Variants in NLRP5 observed in about 807,000 individuals in gnomAD.
The protein encoded by NLRP5 is NACHT, LRR and PYD domains-containing protein 5.
A neutral mutation model predicts 113.1 loss-of-function variants in NLRP5; 93 were observed. The ratio of observed to expected loss-of-function variants is 0.82; its 90% CI spans 0.70 to 0.98. NLRP5 has a LOEUF of 0.98. Among genes scored for constraint, NLRP5 ranks in the 50% least tolerant of loss-of-function variants. The probability of loss-of-function intolerance (pLI) is 0.00; values close to 1 mark genes in which losing one functional copy is unlikely to be tolerated. For synonymous variants in NLRP5, 751 were observed against 600.7 expected (o/e 1.25, Z -3.66); for missense variants, 1,808 against 1,514.3 (o/e 1.19, Z -3.22).
chr19:56,019,364 A>G lies in NLRP5; in HGVS notation c.588A>G (p.Gln196=). ...CAGAAATTTCACAAGCTATGGAACA[A>G]GAAGGTGCCACAGCAGCAGAGACAG... The change falls in exon 5 of 15, where the codon CAA becomes CAG. Residue 196 remains glutamine, a synonymous_variant. Transcript: ENST00000390649. The G allele has an allele frequency of 6.2e-7, 1 of 1,614,048 alleles. No individual in the cohort carries two copies. The highest frequency in any genetic ancestry group is 8.5e-7 in the Non-Finnish European group (1 of 1,179,882).
chr19:55,992,530 G>A, the NLRP5 span, among the ~76,000 whole-genome samples: 1 of 152,134 alleles, frequency 6.6e-6, no homozygotes, highest in African/African-American at 2.4e-5. Context: ...CAGCAGCGTC[G>A]GTTTTTTGAC....
intron 3 of NLRP5, among the ~76,000 whole-genome samples, chr19:56,011,430 G>A (rs565094936): frequency 6.6e-6 from 1 of 152,234 alleles, no homozygotes; most frequent in African/African-American, 2.4e-5. Context: ...TGGTTACAAT[G>A]TGAATATTCT....
chr19:56,028,496 G>C lies in NLRP5; in HGVS notation c.2263G>C (p.Val755Leu). The change falls in exon 7 of 15, where the codon GTG becomes CTG. Residue 755 changes from valine to leucine, a missense_variant. Transcript: ENST00000390649. ...AGATGAGTCCGCTGAGGCATGTCCTGTGGTCCCTCTATGGTGAGTACCCCA... is the reference window on the plus strand; with the variant it reads ...AGATGAGTCCGCTGAGGCATGTCCTCTGGTCCCTCTATGGTGAGTACCCCA... The C allele has an allele frequency of 6.2e-7, 1 of 1,613,340 alleles. No homozygotes were observed. Among genetic ancestry groups the C allele is most frequent in the Non-Finnish European group, 8.5e-7 (1 of 1,179,778 alleles).
the NLRP5 span, among the ~76,000 whole-genome samples, chr19:55,993,455 CT>C: frequency 4.3e-3 from 2 of 462 alleles, no homozygotes; most frequent in African/African-American, 0.02. Flanking sequence ...CCTCTCCCCC[CT>C]CTCTCCCCCC....
At chr19:56,035,668 T>G (rs1165590904) in intron 9 of NLRP5, among the ~76,000 whole-genome samples, 2 of 152,206 alleles carry the variant, frequency 1.3e-5, no homozygotes, top group Admixed American at 1.3e-4. Flanking sequence ...TACCTTCTCA[T>G]AACTCACAGG....
At chr19:56,047,062 C>G (rs1216242267) in intron 11 of NLRP5, among the ~76,000 whole-genome samples, 1 of 11,358 alleles carries the variant, frequency 8.8e-5, no homozygotes, top group Non-Finnish European at 3.3e-4. Context: ...CTTGAATGAT[C>G]TTTTGTTTTC....
At position 56,007,868 on chromosome 19, in the gene NLRP5, T is replaced by A. The variant is rs1350403053; in HGVS notation, c.443-920T>A. Among the ~76,000 whole-genome samples, 5 of 101,466 alleles carry A rather than the reference T, an allele frequency of 4.9e-5. 1 individual carries two copies. Among genetic ancestry groups the A allele is most frequent in the Non-Finnish European group, 8.6e-5 (4 of 46,720 alleles). The allele number at this position is 101,466 out of a possible 152,430, so 66.6% of individuals were successfully genotyped here. On this transcript the variant is annotated intron_variant, in intron 2 of 14. Coordinates refer to ENST00000390649, the MANE Select transcript of NLRP5 (RefSeq NM_153447.4). The stretch of plus-strand genomic sequence containing the variant: ...GATGCTTCCAAAGTGTACAAGACAG[T>A]TTGTGTGTGTGTGTGTGTGTGCGCG...
chr19:56,006,796 G>C (rs1303914659), intron 2 of NLRP5, among the ~76,000 whole-genome samples: 1 of 151,628 alleles, frequency 6.6e-6, no homozygotes, highest in East Asian at 2.0e-4. Flanking sequence ...CTGGAGTGCA[G>C]TGGCGCAATC....
At chr19:56,034,922 C>T (rs573251729) in intron 9 of NLRP5, among the ~76,000 whole-genome samples, 1 of 152,128 alleles carries the variant, frequency 6.6e-6, no homozygotes, top group Admixed American at 6.5e-5. Context: ...TTTAGAGATA[C>T]AACTATTTAA....
chr19:55,996,388 C>T (rs1031057399), upstream of NLRP5, among the ~76,000 whole-genome samples: 1 of 152,048 alleles, frequency 6.6e-6, no homozygotes, highest in Non-Finnish European at 1.5e-5. Context: ...TTCTAGGGTA[C>T]ATGTGCACAA....
At chr19:56,058,109 T>G in intron 13 of NLRP5, 131 bp from the exon 14 acceptor site, 1 of 722,552 alleles carries the variant, frequency 1.4e-6, no homozygotes, top group Non-Finnish European at 2.2e-6. Flanking sequence ...GCCCACCAGT[T>G]TCATTTTTTG....
intron 3 of NLRP5, among the ~76,000 whole-genome samples, chr19:56,012,247 C>G (rs1172681011): frequency 1.3e-5 from 2 of 152,044 alleles, no homozygotes; most frequent in East Asian, 3.9e-4. Context: ...CTCCCAGGTT[C>G]ACACCATTCT....
intron 2 of NLRP5, among the ~76,000 whole-genome samples, chr19:56,005,640 A>ACGCGCG (rs530215925): frequency 0.041 from 5,804 of 141,740 alleles, 236 homozygotes; most frequent in South Asian, 0.066. Context: ...ACACACACAC[A>ACGCGCG]CACGCGCGCA....
chr19:56,009,059 C>T (rs1234888343), intron 3 of NLRP5, among the ~76,000 whole-genome samples: 1 of 151,992 alleles, frequency 6.6e-6, no homozygotes, highest in Admixed American at 6.6e-5. Flanking sequence ...TGGCCTGGGG[C>T]CAGGTCTAGT....
At chr19:56,021,208 T>C (rs1982603987) in intron 6 of NLRP5, among the ~76,000 whole-genome samples, 1 of 152,130 alleles carries the variant, frequency 6.6e-6, no homozygotes, top group South Asian at 2.1e-4. Flanking sequence ...ACACATTAGC[T>C]AAACCTTATG....
At chr19:56,031,247 G>A (rs1036206087) in intron 7 of NLRP5, among the ~76,000 whole-genome samples, 2 of 152,088 alleles carry the variant, frequency 1.3e-5, no homozygotes, top group African/African-American at 4.8e-5. Context: ...GACCCTTCAT[G>A]CCCATGAAAC....
intron 13 of NLRP5, among the ~76,000 whole-genome samples, chr19:56,054,666 G>T (rs73625335): frequency 0.028 from 4,220 of 152,052 alleles, 216 homozygotes; most frequent in African/African-American, 0.097. Flanking sequence ...AGGTCACCTG[G>T]TGTATAATTC....
chr19:56,018,080 T>C (rs1982476485), intron 4 of NLRP5, among the ~76,000 whole-genome samples: 1 of 152,244 alleles, frequency 6.6e-6, no homozygotes, highest in South Asian at 2.1e-4. Flanking sequence ...ATATACACAA[T>C]GGGTTATTGA....
intron 12 of NLRP5, among the ~76,000 whole-genome samples, chr19:56,052,373 A>G (rs2631650): frequency 0.94 from 143,489 of 152,100 alleles, 67,887 homozygotes; most frequent in Non-Finnish European, 0.98. Context: ...GGTTCAAGCA[A>G]TTCTCCTGCC....
Sources: gnomAD v4.1 joint callset for allele counts (sites outside exome capture counted in the v4.1 genomes callset) on GRCh38, gnomAD v4.1.1 for gene constraint, MANE v1.5 for transcripts, NCBI Gene and HGNC (gene_info 2026-07-23, HGNC 2026-07-21) for gene names.